The following DPP10 variants were observed in gnomAD, a reference collection of about 807,000 sequenced individuals.
The protein encoded by DPP10 is inactive dipeptidyl peptidase 10.
DPP10 carries 33 observed loss-of-function variants against 120.9 expected under a neutral mutation model. The observed-to-expected ratio is 0.27, with a 90% CI of 0.21 to 0.37. The LOEUF (loss-of-function observed/expected upper bound fraction) is 0.37, where lower values mean the gene tolerates loss of function less well. Ranked by LOEUF, DPP10 falls within the 10% of genes least tolerant of loss-of-function variation. The pLI, the probability that DPP10 is intolerant of heterozygous loss-of-function variation, is 1.00. For missense variants in DPP10, 816 were observed against 942.8 expected (o/e 0.87, Z 1.76); for synonymous variants, 337 against 326.1 (o/e 1.03, Z -0.36).
chr2:115,411,474 C>G (rs1482070026), intron 3 of DPP10, among the ~76,000 whole-genome samples: 1 of 152,104 alleles, frequency 6.6e-6, no homozygotes, highest in Non-Finnish European at 1.5e-5. Context: ...ACTATATTAC[C>G]TTGATAAAGT....
intron 1 of DPP10, among the ~76,000 whole-genome samples, chr2:114,610,907 A>C (rs1186460464): frequency 2.0e-5 from 3 of 148,140 alleles, no homozygotes; most frequent in African/African-American, 5.0e-5. Flanking sequence ...GGCCACCACC[A>C]CCCCCCTTCT....
intron 1 of DPP10, among the ~76,000 whole-genome samples, chr2:115,024,535 C>T (rs1166018005): frequency 1.3e-5 from 2 of 151,326 alleles, no homozygotes; most frequent in East Asian, 3.9e-4. Flanking sequence ...AACAGATGCA[C>T]ATGTTTTCAG....
chr2:115,305,219 C>T (rs994699425), intron 1 of DPP10, among the ~76,000 whole-genome samples: 7 of 152,002 alleles, frequency 4.6e-5, no homozygotes, highest in Non-Finnish European at 1.0e-4. Context: ...GACCATGTTG[C>T]AAGTTCCTAA....
chr2:115,383,899 G>C (rs1483087190), intron 3 of DPP10, among the ~76,000 whole-genome samples: 3 of 152,088 alleles, frequency 2.0e-5, no homozygotes, highest in Non-Finnish European at 2.9e-5. Flanking sequence ...CTGAAAGACT[G>C]CTGTATCTTT....
At chr2:115,615,888 A>G (rs1172492734) in intron 5 of DPP10, among the ~76,000 whole-genome samples, 1 of 152,184 alleles carries the variant, frequency 6.6e-6, no homozygotes, top group Non-Finnish European at 1.5e-5. Context: ...ATAAGTATCA[A>G]TTAAATAGAG....
At chr2:115,809,934 C>T (rs928057029) in intron 19 of DPP10, among the ~76,000 whole-genome samples, 7 of 152,160 alleles carry the variant, frequency 4.6e-5, no homozygotes, top group African/African-American at 7.2e-5. Flanking sequence ...GAGGCCGAGG[C>T]AGGCGGATCA....
chr2:115,475,037 A>G (rs1257205404), intron 3 of DPP10, among the ~76,000 whole-genome samples: 1 of 152,066 alleles, frequency 6.6e-6, no homozygotes, highest in Non-Finnish European at 1.5e-5. Flanking sequence ...AAGAAAAGCC[A>G]TTTGCAGGGG....
intron 1 of DPP10, among the ~76,000 whole-genome samples, chr2:114,862,773 T>C (rs1031614342): frequency 2.6e-5 from 4 of 152,068 alleles, no homozygotes; most frequent in Middle Eastern, 3.2e-3. Context: ...CAGTGATATA[T>C]GGCAAAAGTC....
At chr2:115,047,284 A>G (rs1705139810) in intron 1 of DPP10, among the ~76,000 whole-genome samples, 1 of 152,092 alleles carries the variant, frequency 6.6e-6, no homozygotes, top group African/African-American at 2.4e-5. Context: ...TCAGTTATCT[A>G]ATTTCTACAA....
intron 1 of DPP10, among the ~76,000 whole-genome samples, chr2:115,010,813 C>G (rs908657046): frequency 5.3e-5 from 8 of 152,186 alleles, no homozygotes; most frequent in Admixed American, 4.6e-4. Flanking sequence ...CAGTACTCCA[C>G]AAACCTTCTA....
intron 3 of DPP10, among the ~76,000 whole-genome samples, chr2:115,352,855 C>T (rs1409875499): frequency 6.6e-6 from 1 of 152,016 alleles, no homozygotes; most frequent in African/African-American, 2.4e-5. Flanking sequence ...TCTTCACATC[C>T]TACATCTCTC....
chr2:114,549,229 AG>A (rs1687670304), intron 1 of DPP10, among the ~76,000 whole-genome samples: 1 of 151,574 alleles, frequency 6.6e-6, no homozygotes, highest in African/African-American at 2.4e-5. Flanking sequence ...CGTATGACCC[AG>A]GAGGGAGTCT....
At chr2:114,707,384 G>T (rs967526492) in intron 1 of DPP10, among the ~76,000 whole-genome samples, 2 of 152,144 alleles carry the variant, frequency 1.3e-5, no homozygotes, top group African/African-American at 4.8e-5. Context: ...CAAATTATTA[G>T]ACAGCTAATA....
intron 1 of DPP10, among the ~76,000 whole-genome samples, chr2:114,784,659 G>A (rs761548528): frequency 2.0e-5 from 3 of 152,094 alleles, no homozygotes; most frequent in Non-Finnish European, 4.4e-5. Context: ...TATGCAGTTT[G>A]TCACTCAGGG....
At chr2:114,771,612 A>T (rs1303281962) in intron 1 of DPP10, among the ~76,000 whole-genome samples, 2 of 152,202 alleles carry the variant, frequency 1.3e-5, no homozygotes, top group East Asian at 3.8e-4. Context: ...GATAGCACCC[A>T]TAGGTGAATA....
chr2:115,243,151 A>T (rs1268573528), intron 1 of DPP10, among the ~76,000 whole-genome samples: 1 of 152,260 alleles, frequency 6.6e-6, no homozygotes, highest in Admixed American at 6.5e-5. Context: ...ATAACATGGA[A>T]TATCACCTTG....
intron 21 of DPP10, among the ~76,000 whole-genome samples, chr2:115,831,362 C>T (rs1169601375): frequency 2.6e-5 from 4 of 152,120 alleles, no homozygotes; most frequent in African/African-American, 9.7e-5. Flanking sequence ...AATTCTCCTG[C>T]CTCAGCCTCC....
At chr2:114,954,159 C>A (rs1165642380) in intron 1 of DPP10, among the ~76,000 whole-genome samples, 1 of 148,876 alleles carries the variant, frequency 6.7e-6, no homozygotes, top group African/African-American at 2.5e-5. Context: ...CGGCTCACTG[C>A]AAGCTCCGCC....
intron 3 of DPP10, among the ~76,000 whole-genome samples, chr2:115,380,187 A>G (rs1246267192): frequency 6.6e-6 from 1 of 152,144 alleles, no homozygotes; most frequent in Admixed American, 6.5e-5. Flanking sequence ...GTGGGAGTCT[A>G]AGTCTCTTTG....
Sources: allele counts gnomAD v4.1 joint callset (sites outside exome capture counted in the v4.1 genomes callset), GRCh38; gene constraint gnomAD v4.1.1; transcripts MANE v1.5; gene names NCBI Gene and HGNC (gene_info 2026-07-23, HGNC 2026-07-21).